Variants in ARMC7 observed in about 807,000 individuals in gnomAD.
ARMC7 encodes armadillo repeat-containing protein 7.
In ARMC7, 9 loss-of-function variants were observed where a neutral mutation model predicts 14.8. That is an observed-to-expected ratio of 0.61 (90% CI 0.37 to 1.06). The LOEUF (loss-of-function observed/expected upper bound fraction) is 1.06, where lower values mean the gene tolerates loss of function less well. Among genes scored for constraint, ARMC7 ranks in the 50% least tolerant of loss-of-function variants. ARMC7 has a pLI of 0.01. For synonymous variants in ARMC7, 125 were observed against 123.4 expected (o/e 1.01, Z -0.09); for missense variants, 262 against 267.1 (o/e 0.98, Z 0.13).
intron 2 of ARMC7, among the ~76,000 whole-genome samples, chr17:75,116,492 G>T (rs181450568): frequency 3.3e-5 from 5 of 152,340 alleles, no homozygotes; most frequent in African/African-American, 1.2e-4. Flanking sequence ...GGGTGCGGTG[G>T]CACGCGCCTG....
At chr17:75,123,172 G>A (rs148936119) in intron 2 of ARMC7, among the ~76,000 whole-genome samples, 2,126 of 150,126 alleles carry the variant, frequency 0.014, 58 homozygotes, top group African/African-American at 0.049. Context: ...CCAAGTAGCT[G>A]GGACTACAGG....
chr17:75,129,884 G>C lies in ARMC7; in HGVS notation c.*846G>C, dbSNP rs2074089296. 6.6e-6 allele frequency: 1 copy of C among 152,642 alleles called. No homozygotes were observed. The highest frequency in any genetic ancestry group is 2.1e-4 in the South Asian group (1 of 4,842). 9.5% of individuals were successfully genotyped at this position (152,642 alleles called of 1,614,324 possible). ...TACCCCAGAAGTGTATCCCACGAGG[G>C]CATCAGGGACGCAGTGAGTGTTGCT... is the stretch of plus-strand genomic sequence containing the variant. On this transcript the variant is annotated 3_prime_UTR_variant, in exon 3 of 3. Coordinates refer to ENST00000245543, the MANE Select transcript of ARMC7 (RefSeq NM_024585.4).
At chr17:75,126,299 T>C (rs988105711) in intron 2 of ARMC7, among the ~76,000 whole-genome samples, 1 of 152,082 alleles carries the variant, frequency 6.6e-6, no homozygotes, top group Non-Finnish European at 1.5e-5. Flanking sequence ...GGTCATTACA[T>C]TGAGGGGGCC....
At position 75,110,217 on chromosome 17, in the gene ARMC7, T is replaced by G; in HGVS notation, c.-72T>G. ...CAGACAGGTGGAGAGCGGGTGAGGG[T>G]CTCGCTCGGCTTTCCCCCTGCACCT... On this transcript the variant is annotated 5_prime_UTR_variant, in exon 1 of 3. Transcript: ENST00000245543. 7.1e-7 allele frequency: 1 copy of G among 1,412,454 alleles called. No individual in the cohort carries two copies. 87.5% of individuals were successfully genotyped at this position (1,412,454 alleles called of 1,614,324 possible). A position where few individuals can be genotyped will look rare whatever the true frequency, so the allele number is the denominator to read the frequency against.
At position 75,129,978 on chromosome 17, in the gene ARMC7, A is replaced by C. The variant is rs1256939758; in HGVS notation, c.*940A>C. 1 of 156,556 alleles carries C rather than the reference A, an allele frequency of 6.4e-6. No individual in the cohort carries two copies. The highest frequency in any genetic ancestry group is 1.4e-5 in the Non-Finnish European group (1 of 70,636). The allele number at this position is 156,556 out of a possible 1,614,324, so 9.7% of individuals were successfully genotyped here. A position where few individuals can be genotyped will look rare whatever the true frequency, so the allele number is the denominator to read the frequency against. On this transcript the variant is annotated 3_prime_UTR_variant, in exon 3 of 3. Transcript: ENST00000245543. ...ATGTCCATGGTGCCCCCTGGTCAACATAAGGAGCGTGGGATCCGATGGAAA... is the reference window on the plus strand; with the variant it reads ...ATGTCCATGGTGCCCCCTGGTCAACCTAAGGAGCGTGGGATCCGATGGAAA...
intron 2 of ARMC7, among the ~76,000 whole-genome samples, chr17:75,127,182 T>A (rs1463477239): frequency 1.3e-5 from 2 of 152,072 alleles, no homozygotes; most frequent in Admixed American, 1.3e-4. Context: ...AAGACCAGAC[T>A]GGACAACATA....
intron 2 of ARMC7, among the ~76,000 whole-genome samples, chr17:75,119,004 T>C (rs2073992656): frequency 6.6e-6 from 1 of 152,192 alleles, no homozygotes; most frequent in African/African-American, 2.4e-5. Context: ...GCTCAGACTC[T>C]AGTCCCTTGT....
At chr17:75,120,761 C>T (rs553228164) in intron 2 of ARMC7, among the ~76,000 whole-genome samples, 2 of 145,466 alleles carry the variant, frequency 1.4e-5, no homozygotes, top group South Asian at 4.3e-4. Context: ...TTGCAGTGAG[C>T]TGAGATCGCA....
chr17:75,123,920 A>G (rs540869775), intron 2 of ARMC7, among the ~76,000 whole-genome samples: 35 of 152,264 alleles, frequency 2.3e-4, no homozygotes, highest in African/African-American at 7.9e-4. Flanking sequence ...TCAAAAAAAA[A>G]AGTACTGTAT....
intron 2 of ARMC7, among the ~76,000 whole-genome samples, chr17:75,115,845 A>G (rs1192036790): frequency 1.3e-5 from 2 of 152,146 alleles, no homozygotes; most frequent in Non-Finnish European, 2.9e-5. Flanking sequence ...GCTGCTTCAC[A>G]TCAGTTGAGA....
Position 75,110,449 on chromosome 17 carries a change from C to A in ARMC7, c.92-14C>A. On this transcript the variant is annotated splice_polypyrimidine_tract_variant and intron_variant, in intron 1 of 2. Transcript: ENST00000245543. ...CCGCCCGGACCTGGCTTCAGTGCCG[C>A]TTTCCCGTTGCAGACGCCAAGGAGC... is the stretch of plus-strand genomic sequence containing the variant. The A allele has an allele frequency of 1.2e-6, 2 of 1,614,238 alleles. No individual in the cohort carries two copies. Among genetic ancestry groups the A allele is most frequent in the Non-Finnish European group, 1.7e-6 (2 of 1,180,038 alleles).
At chr17:75,120,066 A>G (rs937987319) in intron 2 of ARMC7, among the ~76,000 whole-genome samples, 6 of 152,002 alleles carry the variant, frequency 3.9e-5, no homozygotes, top group Non-Finnish European at 7.4e-5. Context: ...CACCATGCCC[A>G]GCTAATTTTT....
rs1037289444 is a variant in ARMC7 at position 75,110,251 on chromosome 17, C to G, written c.-38C>G. The stretch of plus-strand genomic sequence containing the variant: ...GCTTTCCCCCTGCACCTTTCCCACC[C>G]TCCCGCCCGTCCCTGGGGGTCCTCC... On this transcript the variant is annotated 5_prime_UTR_variant, in exon 1 of 3. Coordinates refer to ENST00000245543, the MANE Select transcript of ARMC7 (RefSeq NM_024585.4). 1.2e-5 allele frequency: 19 copies of G among 1,537,768 alleles called. No homozygotes were observed. The East Asian group carries it at 4.3e-4, about 35-fold the overall frequency.
Position 75,128,939 on chromosome 17 carries a change from C to T in ARMC7, c.498C>T (p.Asp166=), listed in dbSNP as rs1266282329. Residue 166 remains aspartate, a synonymous_variant, in exon 3 of 3, where the codon GAC becomes GAT. Transcript: ENST00000245543. Reference sequence around the variant, plus strand: ...ACCTGGCACAGATCTTCCTGGAGGACTTCTGCTCCCCCCGCCAGGTGGCCG... The same window carrying T: ...ACCTGGCACAGATCTTCCTGGAGGATTTCTGCTCCCCCCGCCAGGTGGCCG... ...LRNLAQIFLE[D]FCSPRQVAEA... 6 of 1,607,266 alleles carry T rather than the reference C, an allele frequency of 3.7e-6. 1 individual carries two copies. In the South Asian group the frequency reaches 4.4e-5, roughly 12 times the overall value.
At chr17:75,114,562 T>C (rs1476108379) in intron 2 of ARMC7, 1 of 394,580 alleles carries the variant, frequency 2.5e-6, no homozygotes. Context: ...CGAGCGTGGT[T>C]TCCTCTCCCG....
chr17:75,116,644 C>G (rs116651370), intron 2 of ARMC7, among the ~76,000 whole-genome samples: 2,521 of 152,258 alleles, frequency 0.017, 32 homozygotes, highest in Middle Eastern at 0.027. Flanking sequence ...TAAAGAGTAC[C>G]AGACCTGAGA....
At chr17:75,117,087 GTTTT>G (rs1213455193) in intron 2 of ARMC7, among the ~76,000 whole-genome samples, 1 of 151,984 alleles carries the variant, frequency 6.6e-6, no homozygotes, top group Non-Finnish European at 1.5e-5. Context: ...TTTGGTTTTG[GTTTT>G]TTTGAGACAG....
intron 2 of ARMC7, among the ~76,000 whole-genome samples, chr17:75,123,819 G>A (rs952202535): frequency 1.3e-5 from 2 of 152,030 alleles, no homozygotes; most frequent in Non-Finnish European, 2.9e-5. Flanking sequence ...GCTGAGGCAG[G>A]AGAATTGCTT....
At chr17:75,120,458 C>T (rs1029659857) in intron 2 of ARMC7, among the ~76,000 whole-genome samples, 1 of 152,112 alleles carries the variant, frequency 6.6e-6, no homozygotes, top group African/African-American at 2.4e-5. Flanking sequence ...CTGTCTTGTG[C>T]AGAGCATGTT....
Sources: allele counts gnomAD v4.1 joint callset (sites outside exome capture counted in the v4.1 genomes callset), GRCh38; gene constraint gnomAD v4.1.1; transcripts MANE v1.5; gene names NCBI Gene and HGNC (gene_info 2026-07-23, HGNC 2026-07-21).